ZNF410: variants seen among roughly 807,000 people sequenced by gnomAD.
ZNF410 encodes zinc finger protein 410.
In ZNF410, 18 loss-of-function variants were observed where a neutral mutation model predicts 54.8. The observed-to-expected ratio is 0.33, with a 90% confidence interval of 0.23 to 0.49. The LOEUF (loss-of-function observed/expected upper bound fraction) is 0.49, where lower values mean the gene tolerates loss of function less well. Ranked by LOEUF, ZNF410 falls within the 20% of genes least tolerant of loss-of-function variation. ZNF410 has a pLI of 0.99. For missense variants in ZNF410, 405 were observed against 569.6 expected, an observed-to-expected ratio of 0.71 and a Z score of 2.94; for synonymous variants, 191 against 207.3, an observed-to-expected ratio of 0.92 and a Z score of 0.68.
At chr14:73,902,848 C>G (rs537815913) in intron 5 of ZNF410, among the ~76,000 whole-genome samples, 1 of 152,298 alleles carries the variant, frequency 6.6e-6, no homozygotes, top group African/African-American at 2.4e-5. Flanking sequence ...GCACTTTGTA[C>G]TCCTCTCCTC....
intron 5 of ZNF410, among the ~76,000 whole-genome samples, chr14:73,899,371 G>A (rs974718465): frequency 2.0e-5 from 3 of 151,486 alleles, no homozygotes; most frequent in South Asian, 4.2e-4. Context: ...GGCTCCCTAA[G>A]TGCTGGGATT....
intron 7 of ZNF410, chr14:73,905,356 G>A (rs569446480): frequency 9.6e-6 from 3 of 312,264 alleles, no homozygotes; most frequent in East Asian, 5.6e-5. Flanking sequence ...CAACAATGAT[G>A]TGGGGAGATG....
intron 11 of ZNF410, chr14:73,924,673 CTT>C (rs1370326754): frequency 2.3e-6 from 1 of 442,620 alleles, no homozygotes; most frequent in Non-Finnish European, 4.5e-6. Context: ...CTTTTCTCCT[CTT>C]TTCTTTTCTT....
At chr14:73,907,965 A>G (rs1253788889) in intron 7 of ZNF410, among the ~76,000 whole-genome samples, 1 of 152,110 alleles carries the variant, frequency 6.6e-6, no homozygotes, top group Non-Finnish European at 1.5e-5. Context: ...GCCAGGCACT[A>G]TGCTGAATAT....
chr14:73,887,761 A>T (rs1292529482), intron 1 of ZNF410, among the ~76,000 whole-genome samples: 1 of 152,216 alleles, frequency 6.6e-6, no homozygotes, highest in Non-Finnish European at 1.5e-5. Context: ...AAGACAACTA[A>T]AGTAGCAGTC....
At chr14:73,921,237 CT>C (rs2055750662) in intron 9 of ZNF410, 132 bp downstream of exon 9, 1 of 1,171,022 alleles carries the variant, frequency 8.5e-7, no homozygotes, top group Non-Finnish European at 1.2e-6. Flanking sequence ...ATTTGATGGG[CT>C]GATGGTTTCC....
At chr14:73,896,582 T>G in intron 4 of ZNF410, 48 bp downstream of exon 4, 1 of 1,459,764 alleles carries the variant, frequency 6.9e-7, no homozygotes, top group Non-Finnish European at 9.5e-7. Context: ...AGAAAAAAAT[T>G]AGGGGTGGGG....
chr14:73,924,899 G>T (rs988550742), intron 11 of ZNF410: 2 of 312,600 alleles, frequency 6.4e-6, no homozygotes, highest in Non-Finnish European at 6.2e-6. Flanking sequence ...GGATGGTCTC[G>T]ATCTCTTGAC....
At chr14:73,923,930 A>G (rs1459200426) in intron 11 of ZNF410, among the ~76,000 whole-genome samples, 2 of 152,208 alleles carry the variant, frequency 1.3e-5, no homozygotes, top group African/African-American at 4.8e-5. Context: ...TGTACCAGAC[A>G]GGAGCAAGTA....
Position 73,920,957 on chromosome 14 carries a change from G to T in ZNF410, c.1004-23G>T, listed in dbSNP as rs748224408. 7 of 1,613,458 alleles carry T rather than the reference G, an allele frequency of 4.3e-6. No individual in the cohort carries two copies. The East Asian group carries it at 6.7e-5, about 15-fold the overall frequency. On this transcript the variant is annotated intron_variant, in intron 8 of 11. Coordinates refer to ENST00000555044, the MANE Select transcript of ZNF410 (RefSeq NM_021188.3). ...CTCTTCCTGTCCTTTTGGCTTCCTT[G>T]TTTAACCTGGTCCCTGTTTCAGGAG... is the stretch of plus-strand genomic sequence containing the variant.
intron 11 of ZNF410, among the ~76,000 whole-genome samples, chr14:73,924,382 G>A (rs746110175): frequency 6.6e-6 from 1 of 152,154 alleles, no homozygotes; most frequent in Non-Finnish European, 1.5e-5. Context: ...AACAGGGCAC[G>A]GACCAGTGCT....
At chr14:73,924,726 G>C (rs1358058250) in intron 11 of ZNF410, 1 of 440,696 alleles carries the variant, frequency 2.3e-6, no homozygotes, top group Non-Finnish European at 4.5e-6. Flanking sequence ...GCCCAGGCTG[G>C]AGTGCAGTGG....
At chr14:73,931,174 G>T (rs1252003324) in intron 11 of ZNF410, among the ~76,000 whole-genome samples, 1 of 152,050 alleles carries the variant, frequency 6.6e-6, no homozygotes, top group Non-Finnish European at 1.5e-5. Flanking sequence ...TAAGATTTTG[G>T]TTCCACCATT....
At chr14:73,897,284 A>G (rs561633677) in intron 4 of ZNF410, among the ~76,000 whole-genome samples, 1 of 152,262 alleles carries the variant, frequency 6.6e-6, no homozygotes, top group South Asian at 2.1e-4. Flanking sequence ...TAGAAGGTAC[A>G]CTTGTTCAAG....
rs1388424032 is a variant in ZNF410, at chr14:73,932,045, T to A, written c.*504T>A. 2.2e-6 allele frequency: 1 copy of A among 456,174 alleles called. No homozygotes were observed. The highest frequency in any genetic ancestry group is 1.6e-5 in the South Asian group (1 of 64,506). 28.3% of individuals were successfully genotyped at this position (456,174 alleles called of 1,614,324 possible). A position where few individuals can be genotyped will look rare whatever the true frequency, so the allele number is the denominator to read the frequency against. Reference sequence around the variant, plus strand: ...TACATTCTCCCTTTAGCAACCTGAGTAAGAGACTCTCTGCCACTGGGCTGC... The same window carrying A: ...TACATTCTCCCTTTAGCAACCTGAGAAAGAGACTCTCTGCCACTGGGCTGC... On this transcript the variant is annotated 3_prime_UTR_variant, in exon 12 of 12. Coordinates refer to ENST00000555044, the MANE Select transcript of ZNF410 (RefSeq NM_021188.3).
At chr14:73,898,367 G>A in intron 5 of ZNF410, 105 bp downstream of exon 5, 1 of 1,156,990 alleles carries the variant, frequency 8.6e-7, no homozygotes, top group Non-Finnish European at 1.2e-6. Context: ...CTATTGATGA[G>A]AGCAGAAGGC....
intron 5 of ZNF410, among the ~76,000 whole-genome samples, chr14:73,903,267 TC>T (rs113417681): frequency 1.3e-5 from 2 of 152,156 alleles, no homozygotes; most frequent in African/African-American, 4.8e-5. Context: ...AACTTTGTCA[TC>T]TTTGTAGCAC....
rs1368762909 is a variant in ZNF410, at chr14:73,923,530, G to A, written c.1398+8G>A. ...GCAGTAAATCCACAAGAGGTAAAGT[G>A]GTCTCTTGCCCTTTGTTTCTGTGAC... is the stretch of plus-strand genomic sequence containing the variant. On this transcript the variant is annotated splice_region_variant and intron_variant, in intron 11 of 11. Coordinates refer to ENST00000555044, the MANE Select transcript of ZNF410 (RefSeq NM_021188.3). 3 of 1,610,212 alleles carry A rather than the reference G, an allele frequency of 1.9e-6. No homozygotes were observed. The highest frequency in any genetic ancestry group is 3.4e-5 in the Admixed American group (2 of 59,424).
At chr14:73,894,148 A>C (rs1256889471) in intron 3 of ZNF410, among the ~76,000 whole-genome samples, 1 of 152,132 alleles carries the variant, frequency 6.6e-6, no homozygotes, top group Non-Finnish European at 1.5e-5. Context: ...AGAGTGGGGA[A>C]AAAAGGTCAG....
Sources: allele counts gnomAD v4.1 joint callset (sites outside exome capture counted in the v4.1 genomes callset), GRCh38; gene constraint gnomAD v4.1.1; transcripts MANE v1.5; gene names NCBI Gene and HGNC (gene_info 2026-07-23, HGNC 2026-07-21).